Variants in SAMMSON observed in about 807,000 individuals in gnomAD.
The protein encoded by SAMMSON is long intergenic non-protein coding RNA 1212.
chr3:70,045,015 TA>T (rs1450738500), intron 3 of SAMMSON, among the ~76,000 whole-genome samples: 37 of 126,376 alleles, frequency 2.9e-4, no homozygotes, highest in African/African-American at 1.1e-3. Flanking sequence ...TATATATATA[TA>T]ATTAATTATA....
At chr3:70,071,405 T>C (rs2067228892) in intron 3 of SAMMSON, 1 of 152,106 alleles carries the variant, frequency 6.6e-6, no homozygotes, top group African/African-American at 2.4e-5. Flanking sequence ...GTATACACTA[T>C]GTATATTTTT....
intron 4 of SAMMSON, among the ~76,000 whole-genome samples, chr3:70,105,264 AAAAT>A (rs1432492243): frequency 2.2e-4 from 33 of 152,346 alleles, no homozygotes; most frequent in African/African-American, 7.5e-4. Context: ...AAAGAGACGT[AAAAT>A]AGCAATTATT....
chr3:70,122,104 G>C (rs1350789656), intron 4 of SAMMSON, among the ~76,000 whole-genome samples: 1 of 152,190 alleles, frequency 6.6e-6, no homozygotes, highest in Non-Finnish European at 1.5e-5. Context: ...GAGGTAAAAA[G>C]TATTAGTCAT....
At position 70,117,489 on chromosome 3, in the gene SAMMSON, AAAAGG is replaced by A. The variant is rs72169782; in HGVS notation, n.507+45926_507+45930del. ...TGTAATTTTCAGAGAAAGAATTTTA[AAAAGG>A]AGAGAAATGAATCATCAATTCTTCT... On this transcript the variant is annotated intron_variant and non_coding_transcript_variant, in intron 4 of 9. Coordinates refer to ENST00000642114, the Ensembl canonical transcript of SAMMSON. Among the ~76,000 whole-genome samples the A allele has an allele frequency of 5.2e-3, 792 of 152,358 alleles. 5 individuals are homozygous for A. The highest frequency in any genetic ancestry group is 0.018 in the African/African-American group (747 of 41,584).
chr3:70,185,191 C>A (rs1701083129), intron 4 of SAMMSON, among the ~76,000 whole-genome samples: 1 of 152,146 alleles, frequency 6.6e-6, no homozygotes, highest in Non-Finnish European at 1.5e-5. Context: ...CTCCACAGAA[C>A]ACGGATCTAC....
intron 4 of SAMMSON, among the ~76,000 whole-genome samples, chr3:70,166,343 C>A (rs2067637092): frequency 6.6e-6 from 1 of 151,974 alleles, no homozygotes; most frequent in Non-Finnish European, 1.5e-5. Context: ...TGGTGGCTTG[C>A]CTTCTCTAGG....
chr3:70,310,409 A>C (rs1247453516), intron 7 of SAMMSON, among the ~76,000 whole-genome samples: 1 of 152,086 alleles, frequency 6.6e-6, no homozygotes, highest in African/African-American at 2.4e-5. Context: ...TCAGTCACCC[A>C]GGCTGGAGTG....
intron 7 of SAMMSON, among the ~76,000 whole-genome samples, chr3:70,307,640 G>C (rs7611050): frequency 0.39 from 59,916 of 151,834 alleles, 12,246 homozygotes; most frequent in South Asian, 0.56. Context: ...ATGTAGCTGT[G>C]TGTATTAGCC....
intron 5 of SAMMSON, chr3:70,249,204 G>T (rs2106649257): frequency 6.6e-6 from 1 of 152,274 alleles, no homozygotes. Context: ...GAGGTATGAA[G>T]TGAATCAAGA....
At chr3:70,170,025 G>A (rs1206986576) in intron 4 of SAMMSON, among the ~76,000 whole-genome samples, 2 of 151,892 alleles carry the variant, frequency 1.3e-5, no homozygotes, top group Non-Finnish European at 2.9e-5. Context: ...GTGCCTTATT[G>A]CCTTTAGCCC....
chr3:70,173,491 T>A (rs1240348487), intron 4 of SAMMSON, among the ~76,000 whole-genome samples: 1 of 151,920 alleles, frequency 6.6e-6, no homozygotes, highest in South Asian at 2.1e-4. Flanking sequence ...AAATATATGG[T>A]ATACGTTTTA....
At chr3:70,070,104 CTT>C (rs2067224373) in intron 3 of SAMMSON, 1 of 151,986 alleles carries the variant, frequency 6.6e-6, no homozygotes. Context: ...GGAATTCAGA[CTT>C]ATAAAAATCA....
intron 7 of SAMMSON, among the ~76,000 whole-genome samples, chr3:70,338,234 A>G (rs1310342473): frequency 6.6e-6 from 1 of 152,010 alleles, no homozygotes; most frequent in Non-Finnish European, 1.5e-5. Flanking sequence ...TCTCATAATC[A>G]TAATTAGATA....
chr3:70,018,052 T>G (rs1266406157), intron 3 of SAMMSON, among the ~76,000 whole-genome samples: 1 of 152,122 alleles, frequency 6.6e-6, no homozygotes, highest in Non-Finnish European at 1.5e-5. Flanking sequence ...TCTCTTTTTT[T>G]GTTGTGTCTC....
At chr3:70,168,755 A>G (rs1381337403) in intron 4 of SAMMSON, among the ~76,000 whole-genome samples, 4 of 151,892 alleles carry the variant, frequency 2.6e-5, no homozygotes, top group Non-Finnish European at 2.9e-5. Context: ...TTGTCCATCA[A>G]TTTATTAGCA....
chr3:70,384,455 G>A (rs1703104032), intron 9 of SAMMSON, among the ~76,000 whole-genome samples: 2 of 151,920 alleles, frequency 1.3e-5, no homozygotes, highest in African/African-American at 4.8e-5. Flanking sequence ...ATGACTTGAG[G>A]CCAGTCTTTA....
intron 4 of SAMMSON, among the ~76,000 whole-genome samples, chr3:70,083,545 T>C (rs2067274275): frequency 6.6e-6 from 1 of 152,192 alleles, no homozygotes; most frequent in Non-Finnish European, 1.5e-5. Flanking sequence ...CCTTAAATTA[T>C]GAGTTGTTCT....
At chr3:70,321,755 T>C (rs1249748400) in intron 7 of SAMMSON, among the ~76,000 whole-genome samples, 1 of 152,020 alleles carries the variant, frequency 6.6e-6, no homozygotes, top group African/African-American at 2.4e-5. Context: ...GTTTTTTTAG[T>C]ATTTGATTAC....
At chr3:70,358,728 T>C (rs958366496) in intron 9 of SAMMSON, among the ~76,000 whole-genome samples, 6 of 152,192 alleles carry the variant, frequency 3.9e-5, no homozygotes, top group African/African-American at 1.2e-4. Flanking sequence ...TTTATTGCAT[T>C]GCTTTGTAGT....
Sources: allele counts gnomAD v4.1 joint callset (sites outside exome capture counted in the v4.1 genomes callset), GRCh38; gene constraint gnomAD v4.1.1; transcripts MANE v1.5; gene names NCBI Gene and HGNC (gene_info 2026-07-23, HGNC 2026-07-21).